Variants in CIMAP2 observed in about 807,000 individuals in gnomAD.
The protein encoded by CIMAP2 is ciliary microtubule-associated protein 2.
chr1:54,817,008 G>A, the CIMAP2 span: 12 of 1,614,054 alleles, frequency 7.4e-6, no homozygotes, highest in East Asian at 2.2e-5. Flanking sequence ...GGTGTGGGCC[G>A]CTACCTCAAC....
the CIMAP2 span, among the ~76,000 whole-genome samples, chr1:54,810,813 C>T: frequency 3.9e-5 from 6 of 152,184 alleles, no homozygotes; most frequent in Non-Finnish European, 8.8e-5. Flanking sequence ...CCTCCTGCCC[C>T]GCAAGGCATT....
At chr1:54,814,556 T>G in the CIMAP2 span, among the ~76,000 whole-genome samples, 1 of 152,180 alleles carries the variant, frequency 6.6e-6, no homozygotes, top group East Asian at 1.9e-4. Context: ...ATTTACCAAG[T>G]TTCTCCAGCA....
chr1:54,836,199 G>A, the CIMAP2 span, among the ~76,000 whole-genome samples: 1 of 151,948 alleles, frequency 6.6e-6, no homozygotes, highest in Non-Finnish European at 1.5e-5. Flanking sequence ...AAGGCAGTCG[G>A]GAGAGAAGGC....
chr1:54,809,230 T>C, the CIMAP2 span, among the ~76,000 whole-genome samples: 6 of 152,098 alleles, frequency 3.9e-5, no homozygotes, highest in Middle Eastern at 3.2e-3. Flanking sequence ...AGCTGCTAAG[T>C]GGGCAAGCTG....
the CIMAP2 span, among the ~76,000 whole-genome samples, chr1:54,813,631 T>A: frequency 6.3e-4 from 96 of 151,330 alleles, 1 homozygote; most frequent in African/African-American, 2.3e-3. Flanking sequence ...GGAAAGACTG[T>A]CTGTTTCCAC....
At chr1:54,816,120 C>G in the CIMAP2 span, among the ~76,000 whole-genome samples, 7 of 152,250 alleles carry the variant, frequency 4.6e-5, no homozygotes, top group Non-Finnish European at 4.4e-5. Context: ...GAGCCAGCCA[C>G]TGTGAAGTGG....
chr1:54,810,154 A>G, the CIMAP2 span, among the ~76,000 whole-genome samples: 1 of 152,240 alleles, frequency 6.6e-6, no homozygotes, highest in South Asian at 2.1e-4. Flanking sequence ...TATAACCCTC[A>G]TCTTCAAAGT....
At chr1:54,830,141 A>G in the CIMAP2 span, among the ~76,000 whole-genome samples, 669 of 152,342 alleles carry the variant, frequency 4.4e-3, 2 homozygotes, top group South Asian at 7.5e-3. The surrounding 1 kb of genome is among the most constrained non-coding windows in gnomAD (Gnocchi z 4.1). Flanking sequence ...CTAGGATCTA[A>G]GTGGAAGGGA....
At chr1:54,815,596 T>C in the CIMAP2 span, among the ~76,000 whole-genome samples, 1 of 152,136 alleles carries the variant, frequency 6.6e-6, no homozygotes, top group Non-Finnish European at 1.5e-5. Flanking sequence ...TCCCCAAGTG[T>C]GCGATGTATC....
At chr1:54,840,271 G>A in the CIMAP2 span, among the ~76,000 whole-genome samples, 4 of 152,124 alleles carry the variant, frequency 2.6e-5, no homozygotes, top group Non-Finnish European at 5.9e-5. Context: ...CATGTTACAC[G>A]GTGGTCTTGA....
chr1:54,807,531 C>T, the CIMAP2 span: 3 of 1,561,958 alleles, frequency 1.9e-6, no homozygotes, highest in South Asian at 1.2e-5. Context: ...CTCAGTCCCA[C>T]ATAGGCCCTG....
the CIMAP2 span, among the ~76,000 whole-genome samples, chr1:54,833,016 CAA>C: frequency 2.0e-5 from 3 of 146,958 alleles, no homozygotes; most frequent in African/African-American, 7.5e-5. Context: ...AACCTTGTCT[CAA>C]AAAAAAAAAT....
chr1:54,811,765 G>GCCGGGGGGGCGGGGCCCCCCCCCCC, the CIMAP2 span: 1 of 1,301,332 alleles, frequency 7.7e-7, no homozygotes, highest in Non-Finnish European at 1.1e-6. Context: ...GGTTCTGACA[G>GCCGGGGGGGCGGGGCCCCCCCCCCC]CCTCCATGCC....
the CIMAP2 span, chr1:54,806,105 C>T: frequency 1.3e-6 from 2 of 1,515,860 alleles, no homozygotes; most frequent in Non-Finnish European, 1.8e-6. Flanking sequence ...GCGGGCAGCG[C>T]GCAGGCCTGC....
At chr1:54,836,533 G>A in the CIMAP2 span, among the ~76,000 whole-genome samples, 1 of 151,752 alleles carries the variant, frequency 6.6e-6, no homozygotes, top group African/African-American at 2.4e-5. Flanking sequence ...GGGGTAGGGG[G>A]TGGGGGAGAA....
At chr1:54,818,384 TC>T in the CIMAP2 span, among the ~76,000 whole-genome samples, 65 of 151,092 alleles carry the variant, frequency 4.3e-4, 1 homozygote, top group East Asian at 5.8e-4. Context: ...TCTTTTTTTT[TC>T]TCTCTCTCTC....
At chr1:54,822,547 G>A in the CIMAP2 span, among the ~76,000 whole-genome samples, 1 of 151,974 alleles carries the variant, frequency 6.6e-6, no homozygotes, top group South Asian at 2.1e-4. Context: ...GGCATTTATT[G>A]CTATATTCTT....
the CIMAP2 span, among the ~76,000 whole-genome samples, chr1:54,813,209 A>G: frequency 9.9e-5 from 15 of 151,760 alleles, no homozygotes; most frequent in African/African-American, 3.4e-4. Flanking sequence ...GAGTTCCCAT[A>G]TACCCACTGC....
the CIMAP2 span, among the ~76,000 whole-genome samples, chr1:54,815,261 A>C: frequency 6.6e-6 from 1 of 152,202 alleles, no homozygotes; most frequent in South Asian, 2.1e-4. Flanking sequence ...ACTTGTTAAA[A>C]CACAGATGGC....
Sources: allele counts gnomAD v4.1 joint callset (sites outside exome capture counted in the v4.1 genomes callset), GRCh38; gene constraint gnomAD v4.1.1; non-coding constraint Gnocchi (gnomAD v3.1); transcripts MANE v1.5; gene names NCBI Gene and HGNC (gene_info 2026-07-23, HGNC 2026-07-21).